Variants in SFXN5 observed in about 807,000 individuals in gnomAD.
SFXN5 encodes sideroflexin 5.
A neutral mutation model predicts 50.2 loss-of-function variants in SFXN5; 43 were observed. That is an observed-to-expected ratio of 0.86 (90% CI 0.67 to 1.11). The LOEUF (loss-of-function observed/expected upper bound fraction) is 1.11, where lower values mean the gene tolerates loss of function less well. SFXN5 is among the 50% of genes least tolerant of loss of function. The pLI, the probability that SFXN5 is intolerant of heterozygous loss-of-function variation, is 0.00. For synonymous variants in SFXN5, 203 were observed against 185.8 expected, an observed-to-expected ratio of 1.09 and a Z score of -0.75; for missense variants, 463 against 454.1, an observed-to-expected ratio of 1.02 and a Z score of -0.18.
At chr2:72,991,025 G>C (rs969740811) in intron 9 of SFXN5, among the ~76,000 whole-genome samples, 1 of 152,224 alleles carries the variant, frequency 6.6e-6, no homozygotes, top group Non-Finnish European at 1.5e-5. Flanking sequence ...AGGAAGTGCT[G>C]GAAGAGGCGG....
At chr2:72,954,150 G>A (rs1025644217) in intron 13 of SFXN5, among the ~76,000 whole-genome samples, 2 of 152,152 alleles carry the variant, frequency 1.3e-5, no homozygotes, top group African/African-American at 4.8e-5. Flanking sequence ...GACATCGGGG[G>A]AAGGCTTTAG....
At chr2:73,070,780 C>CGGGT (rs1683530230) in intron 1 of SFXN5, 2 of 152,354 alleles carry the variant, frequency 1.3e-5, no homozygotes. Context: ...AGAGCCTGAG[C>CGGGT]GGGTGTGCCC....
chr2:72,997,376 G>T (rs1673374376), intron 9 of SFXN5: 1 of 152,144 alleles, frequency 6.6e-6, no homozygotes, highest in African/African-American at 2.4e-5. Context: ...ATGAGCAAAG[G>T]GGGTTTTACC....
chr2:73,063,193 T>A (rs1442681152), intron 1 of SFXN5, among the ~76,000 whole-genome samples: 1 of 152,182 alleles, frequency 6.6e-6, no homozygotes, highest in Non-Finnish European at 1.5e-5. Context: ...CTTCCAGATA[T>A]AATTTTTCAG....
chr2:73,012,187 G>C (rs935558138), intron 6 of SFXN5, among the ~76,000 whole-genome samples: 1 of 152,282 alleles, frequency 6.6e-6, no homozygotes, highest in East Asian at 1.9e-4. Flanking sequence ...AAAAAGCCTA[G>C]AGGCACACAC....
At position 72,971,605 on chromosome 2, in the gene SFXN5, T is replaced by G; in HGVS notation, c.706A>C (p.Asn236His). 1 of 1,613,984 alleles carries G rather than the reference T, an allele frequency of 6.2e-7. No homozygotes were observed. Reference protein sequence around the residue: ...EGIDVLDSDGNLVGSSKIAAR... With the variant: ...EGIDVLDSDGHLVGSSKIAAR... ...GCGATCTTGGAGGAGCCCACGAGGT[T>G]GCCATCGCTGTCCAGGACATCAATC... The change falls in exon 11 of 14, where the codon AAC becomes CAC. Residue 236 changes from asparagine (N) to histidine (H), a missense_variant. By Grantham distance (68) the Asn-to-His change is moderately conservative. Transcript: ENST00000272433.
In SFXN5 at chr2:73,040,889, G is replaced by T; in HGVS notation, c.214C>A (p.His72Asn). 6.2e-7 allele frequency: 1 copy of T among 1,613,124 alleles called. No individual in the cohort carries two copies. Among genetic ancestry groups the T allele is most frequent in the East Asian group, 2.2e-5 (1 of 44,884 alleles). ...GTGACCCCCGGGCGCAGGGTCCCAT[G>T]CTTATAGTCCTCCAGCAGCTGCACA... Reference protein sequence around the residue: ...EAVQLLEDYKHGTLRPGVTNE... With the variant: ...EAVQLLEDYKNGTLRPGVTNE... Residue 72 changes from histidine (H) to asparagine (N), a missense_variant, in exon 3 of 14, where the codon CAT becomes AAT. His to Asn is a moderately conservative substitution (Grantham distance 68, BLOSUM62 1). Transcript: ENST00000272433.
chr2:72,993,951 C>T (rs561464941), intron 9 of SFXN5, among the ~76,000 whole-genome samples: 41 of 152,226 alleles, frequency 2.7e-4, no homozygotes, highest in Non-Finnish European at 5.6e-4. Context: ...CTCTGTTATA[C>T]CTAAAGAACC....
chr2:72,951,275 AC>A (rs1672504372), intron 13 of SFXN5, among the ~76,000 whole-genome samples: 1 of 151,756 alleles, frequency 6.6e-6, no homozygotes, highest in Non-Finnish European at 1.5e-5. Context: ...TCAGAGTGCC[AC>A]CCCATCTTCC....
intron 3 of SFXN5, among the ~76,000 whole-genome samples, chr2:73,028,709 G>A (rs1409572260): frequency 1.3e-5 from 2 of 152,104 alleles, no homozygotes; most frequent in African/African-American, 4.8e-5. Flanking sequence ...ACTGATATTT[G>A]GAGGACCCCA....
rs149333095 is a variant in SFXN5 at position 73,038,878 on chromosome 2, C to T, written c.249+1976G>A. Among the ~76,000 whole-genome samples the T allele has an allele frequency of 1.3e-3, 192 of 152,222 alleles. 1 individual carries two copies. Among genetic ancestry groups the T allele is most frequent in the African/African-American group, 4.3e-3 (177 of 41,542 alleles). On this transcript the variant is annotated intron_variant, in intron 3 of 13. Transcript: ENST00000272433. ...CACAAACAAACAGACTAGGCCTGCA[C>T]AGGGTCAGGATCATCAAGACATCTC...
chr2:72,955,370 G>A (rs1329978344), intron 13 of SFXN5, among the ~76,000 whole-genome samples: 6 of 152,186 alleles, frequency 3.9e-5, no homozygotes, highest in African/African-American at 1.4e-4. Flanking sequence ...ACAAGATGAA[G>A]ACAAAAACAG....
chr2:72,982,690 G>A (rs138909234), intron 10 of SFXN5, among the ~76,000 whole-genome samples: 2,228 of 152,318 alleles, frequency 0.015, 24 homozygotes, highest in Non-Finnish European at 0.022. Flanking sequence ...GACTCCCAGC[G>A]AGGGCTTCCA....
chr2:73,014,627 G>A (rs1675929842), intron 6 of SFXN5, among the ~76,000 whole-genome samples: 1 of 152,128 alleles, frequency 6.6e-6, no homozygotes, highest in Admixed American at 6.5e-5. Flanking sequence ...ATTTTAATTT[G>A]AAGAAAACAA....
intron 6 of SFXN5, among the ~76,000 whole-genome samples, chr2:73,016,746 A>G (rs1676207167): frequency 6.6e-6 from 1 of 152,148 alleles, no homozygotes; most frequent in African/African-American, 2.4e-5. Context: ...AAAAACAGAT[A>G]TACTGAGCGA....
At position 72,992,418 on chromosome 2, in the gene SFXN5, C is replaced by T. The variant is rs1405602377; in HGVS notation, c.535-4070G>A. Among the ~76,000 whole-genome samples, 1 of 152,202 alleles carries T rather than the reference C, an allele frequency of 6.6e-6. No individual in the cohort carries two copies. Among genetic ancestry groups the T allele is most frequent in the Non-Finnish European group, 1.5e-5 (1 of 68,024 alleles). Reference sequence around the variant, plus strand: ...AAGAATGCCTGCATCCCTCTCCCCGCATCTGTGCCCCCACTGCAGCCTGAA... The same window carrying T: ...AAGAATGCCTGCATCCCTCTCCCCGTATCTGTGCCCCCACTGCAGCCTGAA... On this transcript the variant is annotated intron_variant, in intron 9 of 13. Coordinates refer to ENST00000272433, the MANE Select transcript of SFXN5 (RefSeq NM_144579.3). This position sits in a 1 kb window ranked among gnomAD's most constrained non-coding sequence, Gnocchi z 4.5.
chr2:73,063,887 A>G (rs898745056), intron 1 of SFXN5, among the ~76,000 whole-genome samples: 1 of 152,148 alleles, frequency 6.6e-6, no homozygotes, highest in South Asian at 2.1e-4. Context: ...TATTTTCTCA[A>G]TAGTTCAAAA....
chr2:72,981,223 C>T (rs181791891), intron 10 of SFXN5: 2 of 152,232 alleles, frequency 1.3e-5, no homozygotes, highest in East Asian at 3.9e-4. Flanking sequence ...ACGTGTACAG[C>T]CAGAATTAAA....
intron 6 of SFXN5, among the ~76,000 whole-genome samples, chr2:73,012,087 T>C (rs150971439): frequency 2.6e-5 from 4 of 152,258 alleles, no homozygotes; most frequent in Middle Eastern, 3.4e-3. Context: ...AAGCTAACCA[T>C]AGATAAATAA....
Sources: gnomAD v4.1 joint callset for allele counts (sites outside exome capture counted in the v4.1 genomes callset) on GRCh38, gnomAD v4.1.1 for gene constraint, Gnocchi (gnomAD v3.1) non-coding constraint, MANE v1.5 for transcripts, NCBI Gene and HGNC (gene_info 2026-07-23, HGNC 2026-07-21) for gene names.